Variants in MYO16 observed in about 807,000 individuals in gnomAD.
MYO16 encodes myosin XVI.
A neutral mutation model predicts 205.3 loss-of-function variants in MYO16; 94 were observed. The ratio of observed to expected loss-of-function variants is 0.46; its 90% CI spans 0.39 to 0.54. The LOEUF is 0.54. Ranked by LOEUF, MYO16 falls within the 20% of genes least tolerant of loss-of-function variation. MYO16 has a pLI of 0.00. For missense variants in MYO16, 2,315 were observed against 2,387.5 expected, an observed-to-expected ratio of 0.97 and a Z score of 0.63; for synonymous variants, 988 against 954.0, an observed-to-expected ratio of 1.04 and a Z score of -0.66.
chr13:109,132,398 C>A (rs1231058099), intron 31 of MYO16, among the ~76,000 whole-genome samples: 2 of 152,204 alleles, frequency 1.3e-5, no homozygotes, highest in East Asian at 1.9e-4. Flanking sequence ...TGTGTAGACA[C>A]AATCATGGCT....
In MYO16 at chr13:109,141,192, C is replaced by A. The variant is rs766544467; in HGVS notation, c.4980C>A (p.Ser1660=). The A allele has an allele frequency of 1.9e-6, 3 of 1,607,860 alleles. No individual in the cohort carries two copies. The highest frequency in any genetic ancestry group is 2.5e-6 in the Non-Finnish European group (3 of 1,177,038). ...GCTCCTTCCCCAAGATCCCATATTC[C>A]CCCGTGAAGGCCACCAGGGCGGACG... ...PCSSFPKIPY[S]PVKATRADAR... The change falls in exon 32 of 35, where the codon TCC becomes TCA. Residue 1660 remains serine, a synonymous_variant. Transcript: ENST00000457511. This position sits in a 1 kb window ranked among gnomAD's most constrained non-coding sequence, Gnocchi z 4.1.
chr13:108,864,110 A>G (rs1213968682), intron 11 of MYO16, among the ~76,000 whole-genome samples: 1 of 152,078 alleles, frequency 6.6e-6, no homozygotes, highest in Non-Finnish European at 1.5e-5. Flanking sequence ...TTTTCAAAGG[A>G]TCACCTTTTG....
chr13:108,523,635 G>A, the MYO16 span, among the ~76,000 whole-genome samples: 106,633 of 152,060 alleles, frequency 0.7, 38,108 homozygotes, highest in South Asian at 0.83. Context: ...TCTCATGTCA[G>A]CATTCAGTAA....
At chr13:108,876,665 CTCTCT>C (rs1369049116) in intron 12 of MYO16, among the ~76,000 whole-genome samples, 3 of 105,420 alleles carry the variant, frequency 2.8e-5, no homozygotes, top group East Asian at 3.9e-4. Flanking sequence ...ACTATATTCT[CTCTCT>C]TTTTTTTTTT....
chr13:109,152,373 A>G (rs990334769), intron 32 of MYO16, among the ~76,000 whole-genome samples: 3 of 152,176 alleles, frequency 2.0e-5, no homozygotes, highest in African/African-American at 7.2e-5. Flanking sequence ...ACAACTAGAG[A>G]TCTGGTTGAA....
At chr13:108,928,329 T>A (rs116672908) in intron 16 of MYO16, among the ~76,000 whole-genome samples, 3,372 of 152,330 alleles carry the variant, frequency 0.022, 131 homozygotes, top group African/African-American at 0.077. Context: ...GCAATATGGT[T>A]ACGGCACTGT....
At chr13:108,645,299 A>G (rs1211987684) in intron 1 of MYO16, among the ~76,000 whole-genome samples, 1 of 152,240 alleles carries the variant, frequency 6.6e-6, no homozygotes, top group African/African-American at 2.4e-5. Flanking sequence ...TAATCAGTAC[A>G]CATAAAAGAC....
upstream of MYO16, among the ~76,000 whole-genome samples, chr13:108,627,595 T>G (rs542098956): frequency 1.3e-5 from 2 of 152,290 alleles, no homozygotes; most frequent in African/African-American, 4.8e-5. Context: ...ATAAACACAT[T>G]TGATAATGAG....
At chr13:108,758,805 TATA>T (rs1205360277) in intron 4 of MYO16, among the ~76,000 whole-genome samples, 1 of 152,236 alleles carries the variant, frequency 6.6e-6, no homozygotes, top group Non-Finnish European at 1.5e-5. Context: ...AAAAGCATGT[TATA>T]ATATCAGAAT....
the MYO16 span, among the ~76,000 whole-genome samples, chr13:108,519,678 A>T: frequency 6.7e-6 from 1 of 149,112 alleles, no homozygotes; most frequent in African/African-American, 2.6e-5. Context: ...ACCAGAAAAA[A>T]ATCAAACTTT....
At chr13:108,661,282 A>G (rs1292202593) in intron 1 of MYO16, among the ~76,000 whole-genome samples, 1 of 152,030 alleles carries the variant, frequency 6.6e-6, no homozygotes, top group Non-Finnish European at 1.5e-5. Flanking sequence ...TTTTGTGATG[A>G]ATTTCCCAGG....
rs530289878 is a variant in MYO16, at chr13:108,905,229, T to C, written c.1778-4774T>C. Among the ~76,000 whole-genome samples, 5 of 152,274 alleles carry C rather than the reference T, an allele frequency of 3.3e-5. No individual in the cohort carries two copies. In the South Asian group the frequency reaches 1.0e-3, roughly 32 times the overall value. ...ATAGGTGAATGTCACTGATTCTCTT[T>C]ACCCTGTTATAAAACTAGGGGACCA... On this transcript the variant is annotated intron_variant, in intron 15 of 34. Transcript: ENST00000457511.
At chr13:109,009,883 A>C (rs1885533488) in intron 22 of MYO16, among the ~76,000 whole-genome samples, 2 of 152,310 alleles carry the variant, frequency 1.3e-5, no homozygotes, top group Admixed American at 1.3e-4. Flanking sequence ...TCGTAGTGAC[A>C]TACATAACCT....
intron 24 of MYO16, among the ~76,000 whole-genome samples, chr13:109,050,295 A>C (rs1300866372): frequency 6.6e-6 from 1 of 151,884 alleles, no homozygotes; most frequent in African/African-American, 2.4e-5. Context: ...GTTAATTCGT[A>C]GAAATCGCTC....
chr13:109,115,071 T>C (rs1366824191), intron 28 of MYO16, among the ~76,000 whole-genome samples: 1 of 151,912 alleles, frequency 6.6e-6, no homozygotes, highest in Non-Finnish European at 1.5e-5. Flanking sequence ...GTAAATGCTA[T>C]TTCAAAAGTA....
upstream of MYO16, among the ~76,000 whole-genome samples, chr13:108,592,398 T>A: frequency 9.7e-6 from 1 of 102,924 alleles, no homozygotes; most frequent in East Asian, 3.2e-4. Flanking sequence ...GTGTGTGGGG[T>A]TATGAGGATG....
the MYO16 span, among the ~76,000 whole-genome samples, chr13:108,520,456 A>G: frequency 6.6e-6 from 1 of 152,222 alleles, no homozygotes; most frequent in Non-Finnish European, 1.5e-5. Context: ...AGAATATTTT[A>G]TCTCTTTGTT....
rs193188503 is a variant in MYO16, at chr13:108,694,704, T to A, written c.293-17957T>A. Among the ~76,000 whole-genome samples, 253 of 152,332 alleles carry A rather than the reference T, an allele frequency of 1.7e-3. 2 individuals are homozygous for A. The highest frequency in any genetic ancestry group is 5.3e-3 in the African/African-American group (222 of 41,582). On this transcript the variant is annotated intron_variant, in intron 2 of 34. Coordinates refer to ENST00000457511, the MANE Select transcript of MYO16 (RefSeq NM_001198950.3). ...ATAATGTCCTTTAATGCACATTTTT[T>A]AAAAAGTTTTGATGAAGTCCAATTT...
At chr13:108,850,745 G>A (rs1373619638) in intron 10 of MYO16, among the ~76,000 whole-genome samples, 1 of 152,120 alleles carries the variant, frequency 6.6e-6, no homozygotes, top group Non-Finnish European at 1.5e-5. Flanking sequence ...CTTCCTTTCA[G>A]GTCATTTTGG....
Sources: allele counts gnomAD v4.1 joint callset (sites outside exome capture counted in the v4.1 genomes callset), GRCh38; gene constraint gnomAD v4.1.1; non-coding constraint Gnocchi (gnomAD v3.1); transcripts MANE v1.5; gene names NCBI Gene and HGNC (gene_info 2026-07-23, HGNC 2026-07-21).